The following MAGI1 variants were observed in gnomAD, a reference collection of about 807,000 sequenced individuals.
The protein encoded by MAGI1 is membrane-associated guanylate kinase, WW and PDZ domain-containing protein 1.
In MAGI1, 58 loss-of-function variants were observed where a neutral mutation model predicts 139.9. That is an observed-to-expected ratio of 0.41 (90% CI 0.34 to 0.52). MAGI1 has a LOEUF of 0.52. MAGI1 is among the 20% of genes least tolerant of loss of function. MAGI1 has a pLI of 0.12. For synonymous variants in MAGI1, 812 were observed against 737.9 expected (o/e 1.10, Z -1.63); for missense variants, 1,874 against 1,901.6 (o/e 0.99, Z 0.27).
intron 1 of MAGI1, among the ~76,000 whole-genome samples, chr3:65,635,175 C>T (rs549628709): frequency 6.6e-6 from 1 of 152,214 alleles, no homozygotes; most frequent in Non-Finnish European, 1.5e-5. Flanking sequence ...GGTGATTCTC[C>T]CACCTCAGCC....
intron 2 of MAGI1, among the ~76,000 whole-genome samples, chr3:65,543,593 C>T (rs2079351869): frequency 6.6e-6 from 1 of 152,168 alleles, no homozygotes; most frequent in Admixed American, 6.5e-5. Flanking sequence ...GAGTTCATGT[C>T]CTTTGCAGAC....
intron 1 of MAGI1, among the ~76,000 whole-genome samples, chr3:65,770,706 TTGAAG>T (rs2037878321): frequency 6.6e-6 from 1 of 152,120 alleles, no homozygotes; most frequent in African/African-American, 2.4e-5. Context: ...CTTATTTATT[TTGAAG>T]TGGAGTCTCG....
chr3:65,853,069 A>G (rs1428501751), intron 1 of MAGI1, among the ~76,000 whole-genome samples: 1 of 151,986 alleles, frequency 6.6e-6, no homozygotes, highest in Non-Finnish European at 1.5e-5. Flanking sequence ...AAATCGCTTG[A>G]ACCCAGGAGG....
chr3:65,763,939 G>A (rs1030183257), intron 1 of MAGI1, among the ~76,000 whole-genome samples: 2 of 151,752 alleles, frequency 1.3e-5, no homozygotes, highest in Non-Finnish European at 2.9e-5. Context: ...AGGTGTGGTC[G>A]CTGGCACCTT....
At chr3:65,777,817 C>T (rs11923485) in intron 1 of MAGI1, among the ~76,000 whole-genome samples, 6,743 of 152,206 alleles carry the variant, frequency 0.044, 234 homozygotes, top group African/African-American at 0.093. Context: ...ATGGAATTAT[C>T]ATAGTTCCCA....
Position 65,356,861 on chromosome 3 carries a change from C to A in MAGI1, c.3906G>T (p.Glu1302Asp). ...GACRPKDRAP[E>D]GRRDAQAERA... ...GCTCGGCCTGCGCGTCCCTCCGTCC[C>A]TCCGGCGCCCGGTCCTTGGGTCGGC... The change falls in exon 23 of 23, where the codon GAG becomes GAT. Residue 1302 changes from glutamate to aspartate, a missense_variant. Glu to Asp is a conservative substitution (Grantham distance 45, BLOSUM62 2). Transcript: ENST00000402939. The A allele has an allele frequency of 6.2e-7, 1 of 1,614,120 alleles. No homozygotes were observed.
intron 2 of MAGI1, among the ~76,000 whole-genome samples, chr3:65,616,803 T>C (rs960200658): frequency 6.6e-6 from 1 of 152,206 alleles, no homozygotes; most frequent in East Asian, 1.9e-4. Context: ...GGTATGCACA[T>C]TCCAGGAGAC....
At chr3:65,802,351 G>A (rs2040567185) in intron 1 of MAGI1, among the ~76,000 whole-genome samples, 1 of 152,152 alleles carries the variant, frequency 6.6e-6, no homozygotes, top group Non-Finnish European at 1.5e-5. Context: ...GAGGGATGGG[G>A]GAGACAAGGA....
At chr3:65,685,072 G>A (rs150943482) in intron 1 of MAGI1, among the ~76,000 whole-genome samples, 137 of 151,238 alleles carry the variant, frequency 9.1e-4, no homozygotes, top group Non-Finnish European at 1.5e-3. Flanking sequence ...TATAGTTTTC[G>A]GAAATTATAC....
chr3:65,747,120 G>A (rs2035775383), intron 1 of MAGI1, among the ~76,000 whole-genome samples: 1 of 152,200 alleles, frequency 6.6e-6, no homozygotes, highest in African/African-American at 2.4e-5. Flanking sequence ...GAGCAACAAA[G>A]TAAGACCGTG....
At chr3:65,983,593 T>A (rs547392929) in intron 1 of MAGI1, among the ~76,000 whole-genome samples, 2 of 152,336 alleles carry the variant, frequency 1.3e-5, no homozygotes, top group Admixed American at 6.5e-5. Flanking sequence ...TAAAATTTTT[T>A]AAAAATGAAA....
At chr3:65,495,227 C>T (rs1952338653) in intron 2 of MAGI1, among the ~76,000 whole-genome samples, 1 of 152,138 alleles carries the variant, frequency 6.6e-6, no homozygotes, top group Non-Finnish European at 1.5e-5. Flanking sequence ...TCCTTAGTGT[C>T]TATTTCTCAG....
chr3:65,722,576 C>G (rs907360436), intron 1 of MAGI1, among the ~76,000 whole-genome samples: 6 of 152,106 alleles, frequency 3.9e-5, no homozygotes, highest in Admixed American at 2.0e-4. Context: ...GAGGCTGCAG[C>G]GAGCCATGAT....
At chr3:65,539,729 T>G (rs2079124882) in intron 2 of MAGI1, among the ~76,000 whole-genome samples, 1 of 152,332 alleles carries the variant, frequency 6.6e-6, no homozygotes, top group African/African-American at 2.4e-5. Flanking sequence ...GAGAGGCCTG[T>G]GCCTTTACCC....
chr3:65,718,592 C>T (rs1010559348), intron 1 of MAGI1: 1 of 152,072 alleles, frequency 6.6e-6, no homozygotes. Flanking sequence ...TTTCATGACT[C>T]TGGTATAAAC....
chr3:65,686,981 T>C (rs936573008), intron 1 of MAGI1, among the ~76,000 whole-genome samples: 1 of 152,216 alleles, frequency 6.6e-6, no homozygotes, highest in Non-Finnish European at 1.5e-5. Flanking sequence ...AGCTGAAACA[T>C]TCACAGTGAT....
rs190207724 is a variant in MAGI1 at position 66,014,484 on chromosome 3, T to C, written c.313+23512A>G. ...TAACTGACTACAGAATAAGCCACTGTAGGGAGATACCATATAATTTTTCAA... is the reference window on the plus strand; with the variant it reads ...TAACTGACTACAGAATAAGCCACTGCAGGGAGATACCATATAATTTTTCAA... On this transcript the variant is annotated intron_variant, in intron 1 of 22. Coordinates refer to ENST00000402939, the MANE Select transcript of MAGI1 (RefSeq NM_001033057.2). 7.0e-4 allele frequency among the ~76,000 whole-genome samples: 106 copies of C among 152,324 alleles called. No homozygotes were observed. In the Middle Eastern group the frequency reaches 0.014, roughly 20 times the overall value.
chr3:65,438,348 G>A (rs1182357025), intron 9 of MAGI1, among the ~76,000 whole-genome samples: 1 of 152,176 alleles, frequency 6.6e-6, no homozygotes, highest in Non-Finnish European at 1.5e-5. Flanking sequence ...GACATGAAGT[G>A]TGGAATAACA....
At chr3:65,363,406 A>G in intron 21 of MAGI1, 59 bp downstream of exon 21, 1 of 1,529,508 alleles carries the variant, frequency 6.5e-7, no homozygotes, top group Admixed American at 2.1e-5. Context: ...ACCATATATG[A>G]CAAGAATTCA....
Sources: gnomAD v4.1 joint callset for allele counts (sites outside exome capture counted in the v4.1 genomes callset) on GRCh38, gnomAD v4.1.1 for gene constraint, MANE v1.5 for transcripts, NCBI Gene and HGNC (gene_info 2026-07-23, HGNC 2026-07-21) for gene names.